The following OSGEP variants were observed in gnomAD, a reference collection of about 807,000 sequenced individuals.
OSGEP encodes tRNA N6-adenosine threonylcarbamoyltransferase.
A neutral mutation model predicts 44.1 loss-of-function variants in OSGEP; 39 were observed. That is an observed-to-expected ratio of 0.88 (90% CI 0.69 to 1.16). The LOEUF (loss-of-function observed/expected upper bound fraction) is 1.16, where lower values mean the gene tolerates loss of function less well. Ranked by LOEUF, OSGEP falls within the 50% of genes most tolerant of loss-of-function variation. OSGEP has a pLI of 0.00. For synonymous variants in OSGEP, 139 were observed against 161.9 expected, an observed-to-expected ratio of 0.86 and a Z score of 1.07; for missense variants, 403 against 443.1, an observed-to-expected ratio of 0.91 and a Z score of 0.81.
Position 20,448,827 on chromosome 14 carries a change from C to T in OSGEP, c.558-16G>A, listed in dbSNP as rs188305159. The stretch of plus-strand genomic sequence containing the variant: ...CTTCTTGCCTCTATGTGGGAATAAG[C>T]GTACGAGGCACTAAGCCTACAGTCA... On this transcript the variant is annotated splice_polypyrimidine_tract_variant and intron_variant, in intron 5 of 10. Coordinates refer to ENST00000206542, the MANE Select transcript of OSGEP (RefSeq NM_017807.4). 6.6e-4 allele frequency: 1,063 copies of T among 1,607,824 alleles called. 3 individuals carry two copies. The highest frequency in any genetic ancestry group is 8.5e-4 in the Non-Finnish European group (997 of 1,174,314).
chr14:20,452,773 C>T (rs60695019), intron 1 of OSGEP, among the ~76,000 whole-genome samples: 6,235 of 151,188 alleles, frequency 0.041, 145 homozygotes, highest in South Asian at 0.077. Flanking sequence ...TGCAGTGGCA[C>T]GATCTCGGCT....
rs1327697663 is a variant in OSGEP, at chr14:20,452,069, C to T, written c.316G>A (p.Gly106Ser). The T allele has an allele frequency of 3.1e-6, 5 of 1,613,784 alleles. No homozygotes were observed. Among genetic ancestry groups the T allele is most frequent in the East Asian group, 2.2e-5 (1 of 44,898 alleles). ...ATGTGGCCTATACAGTGGTTCACAC[C>T]CACCAATGGCTTATTCCACAGTTGG... The part of the protein sequence containing the change: ...VAQLWNKPLV[G>S]VNHCIGHIEM... Residue 106 changes from glycine to serine, a missense_variant, in exon 3 of 11, where the codon GGT (glycine) becomes AGT (serine). Coordinates refer to ENST00000206542, the MANE Select transcript of OSGEP (RefSeq NM_017807.4).
intron 6 of OSGEP, 50 bp from the exon 7 acceptor site, chr14:20,448,221 T>C: frequency 6.6e-7 from 1 of 1,511,682 alleles, no homozygotes; most frequent in Non-Finnish European, 9.2e-7. Flanking sequence ...GGTTTTGGGA[T>C]TACACGAGAG....
chr14:20,448,287 C>A, intron 6 of OSGEP, 116 bp from the exon 7 acceptor site: 1 of 830,286 alleles, frequency 1.2e-6, no homozygotes, highest in Non-Finnish European at 2.1e-6. Context: ...AAGTTACCAG[C>A]ACATCCTGTA....
At chr14:20,452,663 T>A (rs1376796276) in intron 1 of OSGEP, among the ~76,000 whole-genome samples, 1 of 152,124 alleles carries the variant, frequency 6.6e-6, no homozygotes, top group African/African-American at 2.4e-5. Flanking sequence ...TACTCAGCCT[T>A]CAGGTCTCAA....
intron 1 of OSGEP, among the ~76,000 whole-genome samples, chr14:20,452,894 G>A (rs3762147): frequency 0.12 from 18,152 of 151,890 alleles, 1,509 homozygotes; most frequent in East Asian, 0.3. Flanking sequence ...ATTTTTAGTA[G>A]AGACGGGGTT....
At chr14:20,448,254 G>C (rs900597605) in intron 6 of OSGEP, 83 bp from the exon 7 acceptor site, 8 of 1,083,484 alleles carry the variant, frequency 7.4e-6, no homozygotes, top group Non-Finnish European at 1.1e-5. Flanking sequence ...CATTCGGAGG[G>C]TCATCATGTT....
chr14:20,446,439 G>A lies in OSGEP; in HGVS notation c.*801C>T, dbSNP rs66761532. On this transcript the variant is annotated 3_prime_UTR_variant, in exon 11 of 11. Transcript: ENST00000206542. ...AGTTAGACCAATCTCCAGGCTGTTT[G>A]TTTGTTTGTTTTTAAGAGACAAGGT... The A allele has an allele frequency of 0.23, 34,653 of 152,024 alleles. 4,111 individuals carry two copies. Among genetic ancestry groups the A allele is most frequent in the Non-Finnish European group, 0.26 (17,636 of 67,964 alleles). 9.4% of individuals were successfully genotyped at this position (152,024 alleles called of 1,614,324 possible).
At chr14:20,453,789 G>C (rs895792414) in intron 1 of OSGEP, among the ~76,000 whole-genome samples, 7 of 152,118 alleles carry the variant, frequency 4.6e-5, no homozygotes, top group Non-Finnish European at 1.0e-4. Context: ...TGGGAGGCTG[G>C]GGTGGGCGGA....
Position 20,452,005 on chromosome 14 carries a change from G to A in OSGEP, c.380C>T (p.Thr127Ile). 1 of 1,612,026 alleles carries A rather than the reference G, an allele frequency of 6.2e-7. No homozygotes were observed. The highest frequency in any genetic ancestry group is 8.5e-7 in the Non-Finnish European group (1 of 1,179,040). ...GRLITGATSP[T>I]VLYVSGGNTQ... is the part of the protein sequence containing the mutation. ...ATTTCCTCCACTCACATACAACACG[G>A]TTGGGCTGGTGGCTCCAGTGATGAG... The change falls in exon 3 of 11, where the codon ACC (threonine) becomes ATC (isoleucine). Residue 127 changes from threonine to isoleucine, a missense_variant. Transcript: ENST00000206542.
chr14:20,447,522 T>G lies in OSGEP; in HGVS notation c.870-2A>C. On this transcript the variant is annotated splice_acceptor_variant, in intron 9 of 10. Coordinates refer to ENST00000206542, the MANE Select transcript of OSGEP (RefSeq NM_017807.4). LOFTEE classifies it high-confidence loss of function. Reference sequence around the variant, plus strand: ...ATCGCTCCATTGTCAATACAGAATCTGGGATGCAAGAGAGATGAAAATTGG... The same window carrying G: ...ATCGCTCCATTGTCAATACAGAATCGGGGATGCAAGAGAGATGAAAATTGG... The G allele has an allele frequency of 6.2e-7, 1 of 1,613,834 alleles. No individual in the cohort carries two copies. The highest frequency in any genetic ancestry group is 2.2e-5 in the East Asian group (1 of 44,884).
intron 3 of OSGEP, 70 bp downstream of exon 3, chr14:20,451,904 G>T: frequency 7.5e-7 from 1 of 1,333,580 alleles, no homozygotes; most frequent in Non-Finnish European, 1.0e-6. Flanking sequence ...CCATGACTCA[G>T]ATAGAACAAA....
rs1035089645 is a variant in OSGEP at position 20,446,583 on chromosome 14, T to A, written c.*657A>T. 1 of 152,254 alleles carries A rather than the reference T, an allele frequency of 6.6e-6. No individual in the cohort carries two copies. Among genetic ancestry groups the A allele is most frequent in the Non-Finnish European group, 1.5e-5 (1 of 68,084 alleles). The allele number at this position is 152,254 out of a possible 1,614,324, so 9.4% of individuals were successfully genotyped here. ...TCCCTTGGAGCTGGGACTACAGATG[T>A]GCGCCACCATGCCCAGATAATTTTT... On this transcript the variant is annotated 3_prime_UTR_variant, in exon 11 of 11. Coordinates refer to ENST00000206542, the MANE Select transcript of OSGEP (RefSeq NM_017807.4).
In OSGEP at chr14:20,454,742, T is replaced by G. The variant is rs1594410986; in HGVS notation, c.-59A>C. 1 of 1,233,914 alleles carries G rather than the reference T, an allele frequency of 8.1e-7. No individual in the cohort carries two copies. Among genetic ancestry groups the G allele is most frequent in the Admixed American group, 1.9e-5 (1 of 53,066 alleles). 76.4% of individuals were successfully genotyped at this position (1,233,914 alleles called of 1,614,324 possible). ...CTGGCAATGTCAGGAGCTGTGGAGG[T>G]CCTCACTAGTCCGCGCTGGGCCGCA... is the stretch of plus-strand genomic sequence containing the variant. On this transcript the variant is annotated 5_prime_UTR_variant, in exon 1 of 11. Transcript: ENST00000206542.
At position 20,454,558 on chromosome 14, in the gene OSGEP, T is replaced by A. The variant is rs1301959300; in HGVS notation, c.115+11A>T. The stretch of plus-strand genomic sequence containing the variant: ...GTGCGCGGAAAACTCTTAAGTCCCC[T>A]ACTCACCAACCTGTGCCAGGAGGCG... On this transcript the variant is annotated intron_variant, in intron 1 of 10. Transcript: ENST00000206542. The A allele has an allele frequency of 6.3e-7, 1 of 1,592,586 alleles. No individual in the cohort carries two copies. The highest frequency in any genetic ancestry group is 1.1e-5 in the South Asian group (1 of 90,652).
In OSGEP at chr14:20,447,702, C is replaced by G. The variant is rs538433950; in HGVS notation, c.794-12G>C. The stretch of plus-strand genomic sequence containing the variant: ...TAGCCTCACATTACCTACAAAGAGG[C>G]AGGGAACAGGATTAGCTTAGTTTTA... On this transcript the variant is annotated splice_polypyrimidine_tract_variant and intron_variant, in intron 8 of 10. Coordinates refer to ENST00000206542, the MANE Select transcript of OSGEP (RefSeq NM_017807.4). 1 of 1,606,814 alleles carries G rather than the reference C, an allele frequency of 6.2e-7. No homozygotes were observed. Among genetic ancestry groups the G allele is most frequent in the South Asian group, 1.1e-5 (1 of 90,860 alleles).
At position 20,453,513 on chromosome 14, in the gene OSGEP, T is replaced by C. The variant is rs530767432; in HGVS notation, c.115+1056A>G. Among the ~76,000 whole-genome samples the C allele has an allele frequency of 2.0e-4, 30 of 152,220 alleles. No homozygotes were observed. In the South Asian group the frequency reaches 6.2e-3, roughly 32 times the overall value. On this transcript the variant is annotated intron_variant, in intron 1 of 10. Transcript: ENST00000206542. Reference sequence around the variant, plus strand: ...TCCCAAGTAGCTGGGTTTACAGGCATGCGCCACCACGCCCAGTTAATTTTT... The same window carrying C: ...TCCCAAGTAGCTGGGTTTACAGGCACGCGCCACCACGCCCAGTTAATTTTT...
chr14:20,448,013 G>C lies in OSGEP; in HGVS notation c.703-19C>G, dbSNP rs1328842267. 1.2e-6 allele frequency: 2 copies of C among 1,606,346 alleles called. No individual in the cohort carries two copies. The highest frequency in any genetic ancestry group is 3.3e-5 in the Admixed American group (2 of 60,014). On this transcript the variant is annotated intron_variant, in intron 7 of 10. Coordinates refer to ENST00000206542, the MANE Select transcript of OSGEP (RefSeq NM_017807.4). The stretch of plus-strand genomic sequence containing the variant: ...CAGTTTCCTGTCAGGGACAGATAAG[G>C]AGAAAATATTAGAGGGGCATCCCAG...
chr14:20,449,649 A>AT lies in OSGEP; in HGVS notation c.412-384dup, dbSNP rs576050095. 1.1e-3 allele frequency: 268 copies of AT among 237,216 alleles called. 2 individuals carry two copies. The highest frequency in any genetic ancestry group is 0.011 in the South Asian group (189 of 17,432). 14.7% of individuals were successfully genotyped at this position (237,216 alleles called of 1,614,324 possible). The stretch of plus-strand genomic sequence containing the variant: ...AAATTATGACACAGTGGCAGTGGTA[A>AT]TTTTTTTTTGAGACAGGGTCTCGCT... On this transcript the variant is annotated intron_variant, in intron 3 of 10. Coordinates refer to ENST00000206542, the MANE Select transcript of OSGEP (RefSeq NM_017807.4).
Sources: gnomAD v4.1 joint callset for allele counts (sites outside exome capture counted in the v4.1 genomes callset) on GRCh38, gnomAD v4.1.1 for gene constraint, MANE v1.5 for transcripts, NCBI Gene and HGNC (gene_info 2026-07-23, HGNC 2026-07-21) for gene names.